Variants in SCN7A observed in about 807,000 individuals in gnomAD.
SCN7A encodes the protein sodium voltage-gated channel alpha subunit 7.
A neutral mutation model predicts 155.2 loss-of-function variants in SCN7A; 138 were observed. The ratio of observed to expected loss-of-function variants is 0.89; its 90% CI spans 0.77 to 1.02. The LOEUF (loss-of-function observed/expected upper bound fraction) is 1.02, where lower values mean the gene tolerates loss of function less well. Among genes scored for constraint, SCN7A ranks in the 50% least tolerant of loss-of-function variants. The pLI is 0.00. For missense variants in SCN7A, 2,058 were observed against 1,986.6 expected (o/e 1.04, Z -0.68); for synonymous variants, 693 against 649.0 (o/e 1.07, Z -1.03).
At chr2:166,411,846 G>A (rs1273623701) in intron 23 of SCN7A, among the ~76,000 whole-genome samples, 1 of 152,028 alleles carries the variant, frequency 6.6e-6, no homozygotes, top group African/African-American at 2.4e-5. Flanking sequence ...TGATTACATG[G>A]CTGAAGATAA....
intron 13 of SCN7A, among the ~76,000 whole-genome samples, 154 bp downstream of exon 13, chr2:166,444,608 G>T (rs1702022871): frequency 6.6e-6 from 1 of 152,114 alleles, no homozygotes; most frequent in Non-Finnish European, 1.5e-5. Flanking sequence ...GGGTTGGAGG[G>T]ATAAAGCATA....
chr2:166,463,680 G>C (rs961057755), intron 9 of SCN7A, among the ~76,000 whole-genome samples: 7 of 152,064 alleles, frequency 4.6e-5, no homozygotes, highest in African/African-American at 1.7e-4. Flanking sequence ...AAATGGGATG[G>C]GACAGATACA....
At chr2:166,490,009 A>AAT (rs1470212158) in intron 1 of SCN7A, among the ~76,000 whole-genome samples, 1 of 151,792 alleles carries the variant, frequency 6.6e-6, no homozygotes, top group African/African-American at 2.4e-5. Context: ...ATATATATAA[A>AAT]ATATATATAT....
intron 5 of SCN7A, 45 bp from the exon 6 acceptor site, chr2:166,472,490 A>G (rs1169575248): frequency 7.2e-7 from 1 of 1,387,456 alleles, no homozygotes; most frequent in Non-Finnish European, 1.0e-6. Context: ...AGAATAATAC[A>G]TTGTCAACTC....
intron 7 of SCN7A, among the ~76,000 whole-genome samples, chr2:166,470,095 ACT>A (rs1392227561): frequency 5.3e-5 from 8 of 151,816 alleles, no homozygotes; most frequent in Non-Finnish European, 1.0e-4. Context: ...GGGAGCTGTA[ACT>A]TAGTCTTCAG....
At chr2:166,439,936 A>G (rs1701922300) in intron 15 of SCN7A, among the ~76,000 whole-genome samples, 2 of 152,170 alleles carry the variant, frequency 1.3e-5, no homozygotes, top group South Asian at 2.1e-4. Flanking sequence ...ATTTTTTTTC[A>G]GTCTTTTGGG....
rs1701004391 is a variant in SCN7A at position 166,403,605 on chromosome 2, T to C, written c.*1975A>G. ...TACAGGTTATATTTATTATTTTCTA[T>C]AGTATCTAAAAAGTAACATATATTG... On this transcript the variant is annotated 3_prime_UTR_variant, in exon 26 of 26. Coordinates refer to ENST00000643258, the MANE Select transcript of SCN7A (RefSeq NM_002976.4). 6.6e-6 allele frequency: 1 copy of C among 152,042 alleles called. No individual in the cohort carries two copies. The highest frequency in any genetic ancestry group is 1.5e-5 in the Non-Finnish European group (1 of 67,966). The allele number at this position is 152,042 out of a possible 1,614,324, so 9.4% of individuals were successfully genotyped here. A position where few individuals can be genotyped will look rare whatever the true frequency, so the allele number is the denominator to read the frequency against.
At chr2:166,469,341 C>G (rs1702604460) in intron 7 of SCN7A, among the ~76,000 whole-genome samples, 2 of 151,244 alleles carry the variant, frequency 1.3e-5, no homozygotes, top group Admixed American at 1.3e-4. Context: ...ACTTTTTTGT[C>G]TTAAAGTTAG....
chr2:166,412,652 G>T lies in SCN7A; in HGVS notation c.3484C>A (p.His1162Asn). Residue 1162 changes from histidine to asparagine, a missense_variant, in exon 23 of 26, where the codon CAT becomes AAT. By Grantham distance (68) the His-to-Asn change is moderately conservative (BLOSUM62 1). Coordinates refer to ENST00000643258, the MANE Select transcript of SCN7A (RefSeq NM_002976.4). Reference protein sequence around the residue: ...IDSVAVNIQPHFEVNIYMYCY... With the variant: ...IDSVAVNIQPNFEVNIYMYCY... Reference sequence around the variant, plus strand: ...TACATGTAGATGTTGACTTCAAAATGAGGCTGTATATTAACCTAGAAGTTT... The same window carrying T: ...TACATGTAGATGTTGACTTCAAAATTAGGCTGTATATTAACCTAGAAGTTT... 1 of 1,510,040 alleles carries T rather than the reference G, an allele frequency of 6.6e-7. No homozygotes were observed. The highest frequency in any genetic ancestry group is 2.5e-5 in the East Asian group (1 of 39,502). The allele number at this position is 1,510,040 out of a possible 1,614,324, so 93.5% of individuals were successfully genotyped here.
intron 11 of SCN7A, among the ~76,000 whole-genome samples, chr2:166,449,964 G>T (rs1702143316): frequency 6.6e-6 from 1 of 152,066 alleles, no homozygotes. Flanking sequence ...CCAATACTGA[G>T]TATATACCCA....
At chr2:166,438,793 A>G (rs1242776552) in intron 15 of SCN7A, among the ~76,000 whole-genome samples, 2 of 151,860 alleles carry the variant, frequency 1.3e-5, no homozygotes. Context: ...AGGAAAATTA[A>G]GCTGGAAGGA....
At chr2:166,437,645 T>C (rs1245947320) in intron 15 of SCN7A, among the ~76,000 whole-genome samples, 1 of 152,158 alleles carries the variant, frequency 6.6e-6, no homozygotes, top group African/African-American at 2.4e-5. Flanking sequence ...GGATCGGGGC[T>C]GTACCCTACA....
At chr2:166,478,196 T>C (rs1702843186) in intron 2 of SCN7A, among the ~76,000 whole-genome samples, 1 of 151,556 alleles carries the variant, frequency 6.6e-6, no homozygotes, top group South Asian at 2.1e-4. Flanking sequence ...TTAACCCAAA[T>C]TTACATCAGG....
At chr2:166,458,722 C>T (rs115861793) in intron 10 of SCN7A, among the ~76,000 whole-genome samples, 1,566 of 152,230 alleles carry the variant, frequency 0.01, 32 homozygotes, top group African/African-American at 0.036. Flanking sequence ...AGTATAATTA[C>T]ATGGTGTACA....
At chr2:166,458,142 C>T (rs2031166558) in intron 10 of SCN7A, among the ~76,000 whole-genome samples, 1 of 151,840 alleles carries the variant, frequency 6.6e-6, no homozygotes, top group Non-Finnish European at 1.5e-5. Context: ...TTATAAAGTA[C>T]ATTGCAAATC....
intron 1 of SCN7A, among the ~76,000 whole-genome samples, chr2:166,492,959 TG>T (rs1328555384): frequency 2.6e-5 from 4 of 152,208 alleles, no homozygotes; most frequent in African/African-American, 9.7e-5. Context: ...CCCAAAGACT[TG>T]TTCATTGGAC....
chr2:166,409,599 T>C (rs1701150634), intron 25 of SCN7A, 66 bp downstream of exon 25: 2 of 1,206,260 alleles, frequency 1.7e-6, no homozygotes, highest in Admixed American at 3.1e-5. Context: ...ATATTTCATA[T>C]TTACTGTAAG....
intron 21 of SCN7A, chr2:166,414,507 C>T (rs1290469229): frequency 7.4e-6 from 1 of 135,938 alleles, no homozygotes; most frequent in Non-Finnish European, 1.5e-5. Context: ...ATATCAGCAC[C>T]TATTCTGATT....
At chr2:166,412,724 A>G in intron 22 of SCN7A, 57 bp from the exon 23 acceptor site, 1 of 1,442,424 alleles carries the variant, frequency 6.9e-7, no homozygotes, top group African/African-American at 1.5e-5. Context: ...AAGTTTTATA[A>G]AACAATTTAT....
Sources: gnomAD v4.1 joint callset for allele counts (sites outside exome capture counted in the v4.1 genomes callset) on GRCh38, gnomAD v4.1.1 for gene constraint, MANE v1.5 for transcripts, NCBI Gene and HGNC (gene_info 2026-07-23, HGNC 2026-07-21) for gene names.